PRKCI: variants seen among roughly 807,000 people sequenced by gnomAD.
PRKCI encodes the protein protein kinase C iota type.
PRKCI carries 43 observed loss-of-function variants against 84.0 expected under a neutral mutation model. The ratio of observed to expected loss-of-function variants is 0.51; its 90% CI spans 0.40 to 0.66. The LOEUF is 0.66. Among genes scored for constraint, PRKCI ranks in the 30% least tolerant of loss-of-function variants. The pLI, the probability that PRKCI is intolerant of heterozygous loss-of-function variation, is 0.00. For synonymous variants in PRKCI, 216 were observed against 234.4 expected, an observed-to-expected ratio of 0.92 and a Z score of 0.72; for missense variants, 459 against 745.6, an observed-to-expected ratio of 0.62 and a Z score of 4.48.
intron 1 of PRKCI, among the ~76,000 whole-genome samples, chr3:170,223,073 C>CTTT (rs1437340907): frequency 6.6e-6 from 1 of 152,096 alleles, no homozygotes; most frequent in Non-Finnish European, 1.5e-5. Context: ...CTCCTGAGAG[C>CTTT]TTTGTAGGGG....
In PRKCI at chr3:170,222,588, C is replaced by A. The variant is rs867676386; in HGVS notation, c.-82C>A. 22 of 1,226,720 alleles carry A rather than the reference C, an allele frequency of 1.8e-5. No homozygotes were observed. The Admixed American group carries it at 2.2e-4, about 12-fold the overall frequency. The allele number at this position is 1,226,720 out of a possible 1,614,324, so 76.0% of individuals were successfully genotyped here. On this transcript the variant is annotated 5_prime_UTR_variant, in exon 1 of 18. Coordinates refer to ENST00000295797, the MANE Select transcript of PRKCI (RefSeq NM_002740.6). ...CGGACGGCCGCGGTTCTCCGGCAAG[C>A]GCAGGCGGCGGAGTCCCCCACGGCG...
At chr3:170,258,870 C>T (rs985220690) in intron 2 of PRKCI, among the ~76,000 whole-genome samples, 1 of 152,198 alleles carries the variant, frequency 6.6e-6, no homozygotes, top group Non-Finnish European at 1.5e-5. Context: ...ATGGAGACTT[C>T]TAACTAATCG....
At chr3:170,232,487 A>G (rs977211955) in intron 1 of PRKCI, among the ~76,000 whole-genome samples, 29 of 152,112 alleles carry the variant, frequency 1.9e-4, no homozygotes, top group African/African-American at 7.0e-4. Flanking sequence ...TTTAGTCTTC[A>G]TGATAATACT....
At chr3:170,302,768 G>A (rs1734852926) in intron 17 of PRKCI, among the ~76,000 whole-genome samples, 1 of 152,140 alleles carries the variant, frequency 6.6e-6, no homozygotes, top group East Asian at 1.9e-4. Flanking sequence ...AAGATTAACT[G>A]GAATGGTGAC....
Position 170,259,944 on chromosome 3 carries a change from T to G in PRKCI, c.224-25T>G, listed in dbSNP as rs748274629. 4 of 1,509,474 alleles carry G rather than the reference T, an allele frequency of 2.6e-6. No individual in the cohort carries two copies. The Admixed American group carries it at 7.5e-5, about 28-fold the overall frequency. 93.5% of individuals were successfully genotyped at this position (1,509,474 alleles called of 1,614,324 possible). A position where few individuals can be genotyped will look rare whatever the true frequency, so the allele number is the denominator to read the frequency against. ...CACATTTAGGGGTTTTAAAGTGACC[T>G]TTACTTTACTTTTGTGTTTTTTAGG... On this transcript the variant is annotated intron_variant, in intron 2 of 17. Coordinates refer to ENST00000295797, the MANE Select transcript of PRKCI (RefSeq NM_002740.6).
At chr3:170,269,362 CAT>C (rs1301994064) in intron 5 of PRKCI, among the ~76,000 whole-genome samples, 1 of 152,206 alleles carries the variant, frequency 6.6e-6, no homozygotes, top group Non-Finnish European at 1.5e-5. Flanking sequence ...GTAGCACTGA[CAT>C]TTAAGAAGGC....
At chr3:170,242,986 A>G (rs1179469286) in intron 2 of PRKCI, among the ~76,000 whole-genome samples, 3 of 151,752 alleles carry the variant, frequency 2.0e-5, no homozygotes, top group Non-Finnish European at 4.4e-5. Context: ...AACATTTCTT[A>G]TAGAGAAGTT....
chr3:170,252,717 G>A (rs1733485253), intron 2 of PRKCI, among the ~76,000 whole-genome samples: 1 of 151,578 alleles, frequency 6.6e-6, no homozygotes, highest in African/African-American at 2.4e-5. Flanking sequence ...TCCTGCCTCA[G>A]CCTACTGAGA....
At chr3:170,285,340 A>G (rs1734353528) in intron 12 of PRKCI, among the ~76,000 whole-genome samples, 1 of 152,118 alleles carries the variant, frequency 6.6e-6, no homozygotes, top group South Asian at 2.1e-4. Context: ...CAGCCTCCCA[A>G]AGTGCTGGGA....
At chr3:170,263,474 T>C (rs1733784043) in intron 4 of PRKCI, 45 bp downstream of exon 4, 1 of 1,478,030 alleles carries the variant, frequency 6.8e-7, no homozygotes. Flanking sequence ...GTTACTATGC[T>C]ATGGTACAAG....
intron 8 of PRKCI, 52 bp downstream of exon 8, chr3:170,275,339 T>C: frequency 6.5e-7 from 1 of 1,529,604 alleles, no homozygotes; most frequent in Non-Finnish European, 8.8e-7. Context: ...TTAATAAGGC[T>C]CAGGAGTTTA....
intron 7 of PRKCI, 84 bp downstream of exon 7, chr3:170,273,424 T>TA (rs1577362807): frequency 1.6e-6 from 2 of 1,269,238 alleles, no homozygotes; most frequent in East Asian, 4.7e-5. Flanking sequence ...TACCCAAGTT[T>TA]AAAAACATTT....
At chr3:170,263,944 G>T (rs1032524447) in intron 4 of PRKCI, among the ~76,000 whole-genome samples, 1 of 152,126 alleles carries the variant, frequency 6.6e-6, no homozygotes, top group African/African-American at 2.4e-5. Flanking sequence ...TTACATGATT[G>T]CCTGTTGCAC....
intron 1 of PRKCI, among the ~76,000 whole-genome samples, chr3:170,229,181 A>G (rs1381470542): frequency 6.6e-6 from 1 of 152,172 alleles, no homozygotes; most frequent in Admixed American, 6.5e-5. Flanking sequence ...ACACAGACAT[A>G]CCCTTTTATT....
intron 17 of PRKCI, among the ~76,000 whole-genome samples, chr3:170,302,271 T>C (rs1259678299): frequency 2.6e-5 from 4 of 152,196 alleles, no homozygotes; most frequent in Non-Finnish European, 4.4e-5. Flanking sequence ...CATTAAGTGT[T>C]TGCAGAATGA....
intron 14 of PRKCI, 66 bp downstream of exon 14, chr3:170,293,574 T>C: frequency 6.7e-7 from 1 of 1,485,808 alleles, no homozygotes; most frequent in Non-Finnish European, 9.2e-7. Context: ...ATGAGAGTGA[T>C]TCAGGTTACT....
chr3:170,242,966 C>T lies in PRKCI; in HGVS notation c.223+7615C>T, dbSNP rs1010979117. On this transcript the variant is annotated intron_variant, in intron 2 of 17. Coordinates refer to ENST00000295797, the MANE Select transcript of PRKCI (RefSeq NM_002740.6). The stretch of plus-strand genomic sequence containing the variant: ...GATTACAGGAGTGAGCCACTGCGCC[C>T]GGCCTCTTGAACATTTCTTATAGAG... 6.6e-5 allele frequency among the ~76,000 whole-genome samples: 10 copies of T among 152,110 alleles called. No homozygotes were observed. In the East Asian group the frequency reaches 1.2e-3, roughly 18 times the overall value.
rs765536473 is a variant in PRKCI, at chr3:170,260,000, G to A, written c.255G>A (p.Glu85=). Residue 85 remains glutamate, a synonymous_variant, in exon 3 of 18, where the codon GAG becomes GAA. Transcript: ENST00000295797. ...GDPCTVSSQL[E]LEEAFRLYEL... ...CGTGTACAGTATCATCTCAGTTGGA[G>A]TTAGAAGAAGCCTTTAGACTTTATG... 2.5e-5 allele frequency: 41 copies of A among 1,612,874 alleles called. No individual in the cohort carries two copies. Among genetic ancestry groups the A allele is most frequent in the Non-Finnish European group, 3.2e-5 (38 of 1,179,464 alleles).
rs372003602 is a variant in PRKCI, at chr3:170,281,152, A to G, written c.883-14A>G. The G allele has an allele frequency of 2.1e-5, 33 of 1,601,638 alleles. No homozygotes were observed. The highest frequency in any genetic ancestry group is 2.8e-5 in the Non-Finnish European group (33 of 1,170,268). On this transcript the variant is annotated splice_polypyrimidine_tract_variant and intron_variant, in intron 9 of 17. Coordinates refer to ENST00000295797, the MANE Select transcript of PRKCI (RefSeq NM_002740.6). ...TATCAGTTTGACATAGATTTCTTAC[A>G]TGTTTCAAAATAGGATATTGATTGG...
Sources: gnomAD v4.1 joint callset for allele counts (sites outside exome capture counted in the v4.1 genomes callset) on GRCh38, gnomAD v4.1.1 for gene constraint, MANE v1.5 for transcripts, NCBI Gene and HGNC (gene_info 2026-07-23, HGNC 2026-07-21) for gene names.